LRMDA: variants seen among roughly 807,000 people sequenced by gnomAD.
LRMDA encodes the protein leucine rich melanocyte differentiation associated, also known as leucine-rich melanocyte differentiation-associated protein.
LRMDA carries 18 observed loss-of-function variants against 29.8 expected under a neutral mutation model. That is an observed-to-expected ratio of 0.60 (90% CI 0.42 to 0.90). The LOEUF (loss-of-function observed/expected upper bound fraction) is 0.90, where lower values mean the gene tolerates loss of function less well. Among genes scored for constraint, LRMDA ranks in the 40% least tolerant of loss-of-function variants. The pLI is 0.00. For synonymous variants in LRMDA, 125 were observed against 109.4 expected (o/e 1.14, Z -0.89); for missense variants, 273 against 273.9 (o/e 1.00, Z 0.02).
intron 2 of LRMDA, among the ~76,000 whole-genome samples, chr10:75,918,255 T>C (rs1218191987): frequency 6.6e-6 from 1 of 152,230 alleles, no homozygotes; most frequent in African/African-American, 2.4e-5. Context: ...TATGCCATTC[T>C]TTCATTGGTA....
chr10:75,733,223 C>T (rs765802799), intron 2 of LRMDA, among the ~76,000 whole-genome samples: 24 of 152,184 alleles, frequency 1.6e-4, no homozygotes, highest in Admixed American at 3.3e-4. Flanking sequence ...TCAAAGAGAA[C>T]ATGCATAGAA....
chr10:76,509,174 C>T (rs1006605271), intron 6 of LRMDA, among the ~76,000 whole-genome samples: 8 of 152,140 alleles, frequency 5.3e-5, no homozygotes, highest in African/African-American at 1.9e-4. Context: ...AGAAAATATG[C>T]AGGTACATGC....
chr10:75,957,502 G>A (rs908627480), intron 2 of LRMDA, among the ~76,000 whole-genome samples: 4 of 152,158 alleles, frequency 2.6e-5, no homozygotes, highest in African/African-American at 7.2e-5. Context: ...TCTGCTGCAC[G>A]GTATTGTGAA....
intron 2 of LRMDA, among the ~76,000 whole-genome samples, chr10:75,661,758 G>T (rs1841756631): frequency 6.6e-6 from 1 of 152,146 alleles, no homozygotes; most frequent in African/African-American, 2.4e-5. Flanking sequence ...CCTATGGAGG[G>T]AAGAGTGAAA....
intron 2 of LRMDA, among the ~76,000 whole-genome samples, chr10:75,656,271 A>G (rs2132130625): frequency 6.6e-6 from 1 of 152,304 alleles, no homozygotes; most frequent in South Asian, 2.1e-4. Flanking sequence ...CTGGAGCCAG[A>G]TTGCTTGGCT....
intron 2 of LRMDA, among the ~76,000 whole-genome samples, chr10:75,479,523 AG>A (rs1432871163): frequency 1.2e-4 from 16 of 137,524 alleles, no homozygotes. Context: ...AAAAAAAAAA[AG>A]TACACGCAAC....
rs1840811103 is a variant in LRMDA at position 76,324,533 on chromosome 10, C to T, written c.601+48C>T. On this transcript the variant is annotated intron_variant, in intron 6 of 6. Transcript: ENST00000611255. ...CTCTCAGTGGGTGCAGGGAGGGACA[C>T]TTGGCTGTGCAGAGCTCTGGCTCAT... is the stretch of plus-strand genomic sequence containing the variant. The T allele has an allele frequency of 3.2e-6, 5 of 1,541,804 alleles. No individual in the cohort carries two copies. In the South Asian group the frequency reaches 5.6e-5, roughly 17 times the overall value.
At chr10:76,471,023 A>G (rs1182570594) in intron 6 of LRMDA, among the ~76,000 whole-genome samples, 1 of 151,910 alleles carries the variant, frequency 6.6e-6, no homozygotes, top group East Asian at 1.9e-4. Flanking sequence ...TTATATGTAA[A>G]TGTAATATAT....
chr10:76,500,093 C>T lies in LRMDA; in HGVS notation c.602-57116C>T, dbSNP rs150466735. On this transcript the variant is annotated intron_variant, in intron 6 of 6. Transcript: ENST00000611255. ...TTTGTTTTGTTGCCAAGGCTGATAT[C>T]AAACTCCTGGCTTTAAGCAATCCTT... Among the ~76,000 whole-genome samples the T allele has an allele frequency of 1.7e-3, 128 of 75,086 alleles. 38 individuals carry two copies. The highest frequency in any genetic ancestry group is 4.0e-3 in the African/African-American group (125 of 31,012). 49.3% of individuals were successfully genotyped at this position (75,086 alleles called of 152,430 possible).
chr10:75,717,162 T>G (rs1159253888), intron 2 of LRMDA, among the ~76,000 whole-genome samples: 1 of 152,080 alleles, frequency 6.6e-6, no homozygotes, highest in East Asian at 1.9e-4. Context: ...GAAAATATTT[T>G]GGGGCAGGGG....
chr10:75,885,559 GA>G (rs1845373950), intron 2 of LRMDA, among the ~76,000 whole-genome samples: 1 of 152,208 alleles, frequency 6.6e-6, no homozygotes, highest in Non-Finnish European at 1.5e-5. Flanking sequence ...GGAATCTGTG[GA>G]AATGGAAGTG....
chr10:75,433,641 A>G (rs1486415157), intron 1 of LRMDA, among the ~76,000 whole-genome samples: 1 of 152,184 alleles, frequency 6.6e-6, no homozygotes, highest in Non-Finnish European at 1.5e-5. Context: ...TGTGGGTAGC[A>G]TGGAACAGTA....
intron 2 of LRMDA, among the ~76,000 whole-genome samples, chr10:75,783,616 CT>C (rs1843422109): frequency 6.6e-6 from 1 of 152,140 alleles, no homozygotes; most frequent in African/African-American, 2.4e-5. Flanking sequence ...CGTGCCATCC[CT>C]CCAAAGTGAG....
chr10:76,151,844 C>T (rs1850451046), intron 5 of LRMDA, among the ~76,000 whole-genome samples: 1 of 152,152 alleles, frequency 6.6e-6, no homozygotes, highest in Admixed American at 6.5e-5. Flanking sequence ...TTTGTTTCTT[C>T]CTTTCCAATC....
intron 2 of LRMDA, among the ~76,000 whole-genome samples, chr10:75,920,221 A>G (rs1354625145): frequency 6.6e-6 from 1 of 152,176 alleles, no homozygotes; most frequent in Non-Finnish European, 1.5e-5. Flanking sequence ...GTGCAATCCA[A>G]GCAAGCCTAG....
intron 2 of LRMDA, among the ~76,000 whole-genome samples, chr10:75,951,834 G>A (rs144778809): frequency 1.3e-5 from 2 of 152,258 alleles, no homozygotes; most frequent in Non-Finnish European, 2.9e-5. Context: ...CTGCCTCAGC[G>A]TTCTCTGACT....
At chr10:76,187,952 T>C (rs1311040291) in intron 5 of LRMDA, among the ~76,000 whole-genome samples, 1 of 152,210 alleles carries the variant, frequency 6.6e-6, no homozygotes, top group Admixed American at 6.5e-5. Flanking sequence ...CCTAGGCTGA[T>C]TCATTGCAGC....
intron 5 of LRMDA, among the ~76,000 whole-genome samples, chr10:76,202,250 C>A (rs995926735): frequency 6.6e-6 from 1 of 152,150 alleles, no homozygotes; most frequent in South Asian, 2.1e-4. Flanking sequence ...GAGCCATTAC[C>A]GCAACAGTCT....
Position 76,543,883 on chromosome 10 carries a change from C to T in LRMDA, c.602-13326C>T, listed in dbSNP as rs143785106. Reference sequence around the variant, plus strand: ...ATTGCTGGAGGCCTACCAATAGTTACATCAGCTTCCTGGAGTCCTGAGCCC... The same window carrying T: ...ATTGCTGGAGGCCTACCAATAGTTATATCAGCTTCCTGGAGTCCTGAGCCC... On this transcript the variant is annotated intron_variant, in intron 6 of 6. Coordinates refer to ENST00000611255, the MANE Select transcript of LRMDA (RefSeq NM_001305581.2). 4.6e-5 allele frequency among the ~76,000 whole-genome samples: 7 copies of T among 152,286 alleles called. No homozygotes were observed. In the South Asian group the frequency reaches 8.3e-4, roughly 18 times the overall value.
Sources: gnomAD v4.1 joint callset for allele counts (sites outside exome capture counted in the v4.1 genomes callset) on GRCh38, gnomAD v4.1.1 for gene constraint, MANE v1.5 for transcripts, NCBI Gene and HGNC (gene_info 2026-07-23, HGNC 2026-07-21) for gene names.